The following TNS1 variants were observed in gnomAD, a reference collection of about 807,000 sequenced individuals.
TNS1 encodes the protein tensin 1.
Under a neutral mutation model 168.6 loss-of-function variants are expected in TNS1, and 62 were observed. That is an observed-to-expected ratio of 0.37 (90% CI 0.30 to 0.45). The LOEUF is 0.45. TNS1 is among the 20% of genes least tolerant of loss of function. The pLI is 1.00. For synonymous variants in TNS1, 934 were observed against 933.2 expected, an observed-to-expected ratio of 1.00 and a Z score of -0.02; for missense variants, 2,240 against 2,339.4, an observed-to-expected ratio of 0.96 and a Z score of 0.88.
intron 1 of TNS1, among the ~76,000 whole-genome samples, chr2:218,002,592 G>T (rs1051792568): frequency 3.4e-5 from 5 of 146,102 alleles, no homozygotes; most frequent in African/African-American, 7.4e-5. Context: ...ATTGGGGGGT[G>T]GGGGGGTGGG....
chr2:217,837,286 C>T (rs749458223), intron 19 of TNS1, among the ~76,000 whole-genome samples: 4 of 152,216 alleles, frequency 2.6e-5, no homozygotes, highest in Non-Finnish European at 5.9e-5. Context: ...CACCCTCATT[C>T]AGACAGAAAC....
In TNS1 at chr2:217,809,818, C is replaced by G. The variant is rs2125091337; in HGVS notation, c.5273+5G>C. On this transcript the variant is annotated splice_donor_5th_base_variant and intron_variant, in intron 30 of 32. Transcript: ENST00000682258. ...CCCACCGAGGAGCAGGCAGGGGAGTCTTACTTTCTCTGGTTGTCAGTCAGA... is the reference window on the plus strand; with the variant it reads ...CCCACCGAGGAGCAGGCAGGGGAGTGTTACTTTCTCTGGTTGTCAGTCAGA... 1 of 1,611,522 alleles carries G rather than the reference C, an allele frequency of 6.2e-7. No homozygotes were observed. The highest frequency in any genetic ancestry group is 8.5e-7 in the Non-Finnish European group (1 of 1,177,974).
intron 18 of TNS1, 55 bp from the exon 19 acceptor site, chr2:217,849,142 C>A: frequency 6.4e-7 from 1 of 1,556,558 alleles, no homozygotes; most frequent in South Asian, 1.2e-5. Flanking sequence ...TAGCGGGAGG[C>A]AGGGGTATCA....
chr2:217,818,722 C>T lies in TNS1; in HGVS notation c.3610G>A (p.Asp1204Asn). Reference sequence around the variant, plus strand: ...TGGGTGGGCGTCCGGGGACCCTGGTCACTGCTCTCTCCCGACGGGAAACTC... The same window carrying T: ...TGGGTGGGCGTCCGGGGACCCTGGTTACTGCTCTCTCCCGACGGGAAACTC... Reference protein sequence around the residue: ...VGSFPSGESSDQGPRTPTQPL... With the variant: ...VGSFPSGESSNQGPRTPTQPL... Residue 1204 changes from aspartate (D) to asparagine (N), a missense_variant, in exon 24 of 33, where the codon GAC (aspartate) becomes AAC (asparagine). Physicochemically the swap from Asp to Asn is conservative, Grantham distance 23. This residue lies in a region of TNS1 where 2,131 missense variants were observed against 2,171.2 expected (regional missense o/e 0.98). Transcript: ENST00000682258. The T allele has an allele frequency of 6.2e-7, 1 of 1,613,772 alleles. No homozygotes were observed. Among genetic ancestry groups the T allele is most frequent in the Non-Finnish European group, 8.5e-7 (1 of 1,179,934 alleles).
At chr2:218,010,710 T>C (rs1292278384), upstream of TNS1, among the ~76,000 whole-genome samples, 4 of 151,178 alleles carry the variant, frequency 2.6e-5, no homozygotes, top group Non-Finnish European at 5.9e-5. Context: ...GGCGGCAGCA[T>C]TGTGCTCCTG....
rs538401571 is a variant in TNS1 at position 217,855,579 on chromosome 2, T to C, written c.1430-6492A>G. ...TTATCTCTCTCTCTCTCTCTCTCTCTCCCTCTCCCTAGGGCCGGTTCCCAG... is the reference window on the plus strand; with the variant it reads ...TTATCTCTCTCTCTCTCTCTCTCTCCCCCTCTCCCTAGGGCCGGTTCCCAG... On this transcript the variant is annotated intron_variant, in intron 18 of 32. Coordinates refer to ENST00000682258, the MANE Select transcript of TNS1 (RefSeq NM_001387777.1). Among the ~76,000 whole-genome samples the C allele has an allele frequency of 4.8e-3, 733 of 151,938 alleles. 6 individuals are homozygous for C. Among genetic ancestry groups the C allele is most frequent in the African/African-American group, 0.016 (679 of 41,366 alleles).
chr2:217,905,484 C>G (rs759580063), intron 6 of TNS1: 1 of 341,606 alleles, frequency 2.9e-6, no homozygotes, highest in South Asian at 2.2e-5. Flanking sequence ...CCTCCTGCTC[C>G]CGCAGCACTC....
At chr2:218,019,775 T>C (rs1958791777) in intron 1 of TNS1, among the ~76,000 whole-genome samples, 1 of 152,140 alleles carries the variant, frequency 6.6e-6, no homozygotes, top group South Asian at 2.1e-4. Context: ...GTGTGTCCTG[T>C]TCTCTGACTT....
rs375307509 is a variant in TNS1, at chr2:217,938,752, T to C, written c.187-18516A>G. ...GGGAGCTCAGGCTGGTTTATAATAA[T>C]GCATCTTGTTTACAGTGATGGCAAC... On this transcript the variant is annotated intron_variant, in intron 3 of 32. Coordinates refer to ENST00000682258, the MANE Select transcript of TNS1 (RefSeq NM_001387777.1). Among the ~76,000 whole-genome samples, 10 of 152,330 alleles carry C rather than the reference T, an allele frequency of 6.6e-5. No individual in the cohort carries two copies. The South Asian group carries it at 8.3e-4, about 13-fold the overall frequency.
chr2:217,939,790 G>A (rs968527404), intron 3 of TNS1, among the ~76,000 whole-genome samples: 2 of 152,232 alleles, frequency 1.3e-5, no homozygotes, highest in Non-Finnish European at 2.9e-5. Context: ...TAGCTCCAAG[G>A]ACTGGCTCAG....
Position 217,991,076 on chromosome 2 carries a change from G to A in TNS1, c.34-20C>T. ...CTCTGGCTGTGGGAGGAGAGGCACA[G>A]AGTCAGCCCTGGGTAGAAGGCTGGG... On this transcript the variant is annotated intron_variant, in intron 1 of 32. Transcript: ENST00000682258. 1 of 647,372 alleles carries A rather than the reference G, an allele frequency of 1.5e-6. No individual in the cohort carries two copies. The highest frequency in any genetic ancestry group is 2.9e-6 in the Non-Finnish European group (1 of 348,546). 40.1% of individuals were successfully genotyped at this position (647,372 alleles called of 1,614,324 possible). A position where few individuals can be genotyped will look rare whatever the true frequency, so the allele number is the denominator to read the frequency against.
intron 6 of TNS1, among the ~76,000 whole-genome samples, chr2:217,903,289 T>C (rs1411096073): frequency 1.3e-5 from 2 of 152,168 alleles, no homozygotes; most frequent in African/African-American, 2.4e-5. Flanking sequence ...CTCATCACCA[T>C]ACCCAGTGTG....
intron 3 of TNS1, among the ~76,000 whole-genome samples, chr2:217,952,440 C>T (rs917857099): frequency 7.2e-5 from 11 of 152,060 alleles, no homozygotes; most frequent in Non-Finnish European, 1.3e-4. Flanking sequence ...CATTAAGGCC[C>T]ACTTCCCAAA....
chr2:217,978,591 G>A, intron 3 of TNS1, 174 bp downstream of exon 3: 1 of 143,736 alleles, frequency 7.0e-6, no homozygotes, highest in South Asian at 1.6e-4. Flanking sequence ...CCGGGCCTTC[G>A]CCTTCACCTT....
intron 6 of TNS1, 149 bp downstream of exon 6, chr2:217,906,186 G>A (rs1381451657): frequency 1.2e-5 from 7 of 608,662 alleles, no homozygotes; most frequent in Admixed American, 2.7e-5. Flanking sequence ...AGCCTGTAAG[G>A]AAATGGGCCT....
At chr2:217,838,477 G>A (rs1297698455) in intron 19 of TNS1, among the ~76,000 whole-genome samples, 1 of 152,232 alleles carries the variant, frequency 6.6e-6, no homozygotes, top group Non-Finnish European at 1.5e-5. Context: ...TGGCACGTGG[G>A]AGCATGTTCT....
At chr2:217,980,370 C>T (rs1958012363) in intron 2 of TNS1, among the ~76,000 whole-genome samples, 1 of 152,114 alleles carries the variant, frequency 6.6e-6, no homozygotes, top group Non-Finnish European at 1.5e-5. Flanking sequence ...CCTCACTTCG[C>T]AAAGGTGTTC....
rs138725756 is a variant in TNS1 at position 217,857,217 on chromosome 2, C to T, written c.1430-8130G>A. On this transcript the variant is annotated intron_variant, in intron 18 of 32. Transcript: ENST00000682258. ...TCCAGGGCCCGGGAGGTTGGCTCAGCCAAGAGAGCTTTTTAAAAGCCCTGG... is the reference window on the plus strand; with the variant it reads ...TCCAGGGCCCGGGAGGTTGGCTCAGTCAAGAGAGCTTTTTAAAAGCCCTGG... Among the ~76,000 whole-genome samples the T allele has an allele frequency of 1.5e-4, 23 of 152,274 alleles. No individual in the cohort carries two copies. The East Asian group carries it at 4.3e-3, about 28-fold the overall frequency.
chr2:217,997,210 C>T (rs899221242), intron 1 of TNS1, among the ~76,000 whole-genome samples: 5 of 152,262 alleles, frequency 3.3e-5, no homozygotes, highest in Admixed American at 6.5e-5. Flanking sequence ...GCAAAAGCTT[C>T]GGAAAAGATG....
Sources: allele counts gnomAD v4.1 joint callset (sites outside exome capture counted in the v4.1 genomes callset), GRCh38; gene constraint gnomAD v4.1.1; regional missense constraint gnomAD v4.1.1; transcripts MANE v1.5; gene names NCBI Gene and HGNC (gene_info 2026-07-23, HGNC 2026-07-21).